The following SCFD2 variants were observed in gnomAD, a reference collection of about 807,000 sequenced individuals.
SCFD2 encodes the protein sec1 family domain-containing protein 2.
Under a neutral mutation model 58.9 loss-of-function variants are expected in SCFD2, and 54 were observed. That is an observed-to-expected ratio of 0.92 (90% CI 0.74 to 1.15). The LOEUF is 1.15. Ranked by LOEUF, SCFD2 falls within the 50% of genes most tolerant of loss-of-function variation. SCFD2 has a pLI of 0.00. For missense variants in SCFD2, 805 were observed against 836.6 expected (o/e 0.96, Z 0.47); for synonymous variants, 321 against 335.9 (o/e 0.96, Z 0.49).
At chr4:53,078,967 TCTAAA>T (rs1446534076) in intron 5 of SCFD2, among the ~76,000 whole-genome samples, 6 of 151,396 alleles carry the variant, frequency 4.0e-5, no homozygotes, top group Non-Finnish European at 4.4e-5. Flanking sequence ...TTTGTAAAAC[TCTAAA>T]CTAAGAGGTT....
chr4:52,966,493 G>T (rs571917330), intron 5 of SCFD2, among the ~76,000 whole-genome samples: 5 of 151,960 alleles, frequency 3.3e-5, no homozygotes, highest in African/African-American at 1.2e-4. Context: ...CTGTTTTCAG[G>T]CTCATAACAA....
intron 2 of SCFD2, among the ~76,000 whole-genome samples, chr4:53,322,465 T>G (rs556605256): frequency 2.0e-5 from 3 of 152,218 alleles, no homozygotes; most frequent in Non-Finnish European, 4.4e-5. Context: ...TAACAACGTA[T>G]TAACTGTTTA....
chr4:52,895,040 TGGA>T (rs765116673), intron 7 of SCFD2, among the ~76,000 whole-genome samples: 9 of 152,328 alleles, frequency 5.9e-5, no homozygotes, highest in Non-Finnish European at 7.3e-5. Flanking sequence ...TCCTCTAGAT[TGGA>T]GGGAAAACTC....
At chr4:53,250,254 T>A (rs1037281499) in intron 4 of SCFD2, among the ~76,000 whole-genome samples, 1 of 152,092 alleles carries the variant, frequency 6.6e-6, no homozygotes, top group Admixed American at 6.6e-5. Flanking sequence ...GAACTAACTA[T>A]CCTAAATATA....
intron 4 of SCFD2, among the ~76,000 whole-genome samples, chr4:53,238,197 C>G (rs1236725138): frequency 2.8e-5 from 4 of 142,452 alleles, no homozygotes; most frequent in African/African-American, 1.0e-4. Flanking sequence ...CCCCACCTCC[C>G]TCCCGGACGG....
intron 4 of SCFD2, among the ~76,000 whole-genome samples, chr4:53,226,963 A>G (rs1310768992): frequency 6.6e-6 from 1 of 152,226 alleles, no homozygotes; most frequent in Non-Finnish European, 1.5e-5. Context: ...TAAAAAAGGT[A>G]TCCCTAATGA....
intron 5 of SCFD2, among the ~76,000 whole-genome samples, chr4:52,969,613 C>T (rs954572035): frequency 3.3e-5 from 5 of 152,112 alleles, no homozygotes; most frequent in Admixed American, 6.6e-5. Flanking sequence ...TCTTAAGAGG[C>T]TGTTTGTAAT....
chr4:53,240,563 C>A (rs1266183901), intron 4 of SCFD2, among the ~76,000 whole-genome samples: 2 of 152,152 alleles, frequency 1.3e-5, no homozygotes, highest in African/African-American at 4.8e-5. Context: ...TACAAATGAC[C>A]AAAGGGGCAA....
At chr4:53,333,988 A>C (rs569743302) in intron 2 of SCFD2, among the ~76,000 whole-genome samples, 1 of 150,982 alleles carries the variant, frequency 6.6e-6, no homozygotes, top group East Asian at 1.9e-4. Flanking sequence ...CAGCCAAAAA[A>C]CACATGAAAA....
At chr4:53,184,203 T>C (rs755736790) in intron 4 of SCFD2, among the ~76,000 whole-genome samples, 6 of 152,144 alleles carry the variant, frequency 3.9e-5, no homozygotes, top group Non-Finnish European at 5.9e-5. Context: ...CCCGTTTAGC[T>C]TGGCACATGG....
chr4:53,263,840 A>G (rs1283693867), intron 4 of SCFD2, among the ~76,000 whole-genome samples: 1 of 152,138 alleles, frequency 6.6e-6, no homozygotes, highest in East Asian at 1.9e-4. Flanking sequence ...CAGGCAGTAG[A>G]CAGGGCCATA....
At chr4:53,072,295 G>C (rs1723838245) in intron 5 of SCFD2, among the ~76,000 whole-genome samples, 2 of 152,146 alleles carry the variant, frequency 1.3e-5, no homozygotes, top group South Asian at 4.1e-4. Flanking sequence ...GAGGATAAAA[G>C]AGTCCTCAGC....
At chr4:52,925,158 A>C (rs1233178505) in intron 5 of SCFD2, among the ~76,000 whole-genome samples, 1 of 152,074 alleles carries the variant, frequency 6.6e-6, no homozygotes, top group Non-Finnish European at 1.5e-5. Context: ...CTCAATCAGT[A>C]CATGGTAAAG....
Position 52,915,491 on chromosome 4 carries a change from T to C in SCFD2, c.1707+5234A>G, listed in dbSNP as rs149787580. On this transcript the variant is annotated intron_variant, in intron 6 of 8. Coordinates refer to ENST00000401642, the MANE Select transcript of SCFD2 (RefSeq NM_152540.4). The stretch of plus-strand genomic sequence containing the variant: ...AATCCATGGCTCATTTATTTTTATT[T>C]TTTGCTATAAGATGACTGTTTTTTC... Among the ~76,000 whole-genome samples, 612 of 152,294 alleles carry C rather than the reference T, an allele frequency of 4.0e-3. 8 individuals carry two copies. The highest frequency in any genetic ancestry group is 0.014 in the African/African-American group (581 of 41,562).
intron 2 of SCFD2, among the ~76,000 whole-genome samples, chr4:53,352,244 G>A (rs1006269845): frequency 4.6e-5 from 7 of 152,152 alleles, no homozygotes; most frequent in South Asian, 2.1e-4. Context: ...GCTTTTTAGT[G>A]ATGTGAAAAA....
At chr4:53,259,402 G>A (rs916465222) in intron 4 of SCFD2, among the ~76,000 whole-genome samples, 2 of 152,188 alleles carry the variant, frequency 1.3e-5, no homozygotes, top group African/African-American at 4.8e-5. Flanking sequence ...TGTATAAGGT[G>A]AGAGATGAGG....
rs1469293552 is a variant in SCFD2 at position 53,207,753 on chromosome 4, C to T, written c.1312-62171G>A. 2.1e-5 allele frequency among the ~76,000 whole-genome samples: 3 copies of T among 145,024 alleles called. 1 individual carries two copies. Among genetic ancestry groups the T allele is most frequent in the South Asian group, 4.5e-4 (2 of 4,488 alleles). On this transcript the variant is annotated intron_variant, in intron 4 of 8. Transcript: ENST00000401642. Reference sequence around the variant, plus strand: ...CAGGAGATTTGGTTGTTTAAAAGTTCGTAGCACCTCCTCCTTCTCTCTTCT... The same window carrying T: ...CAGGAGATTTGGTTGTTTAAAAGTTTGTAGCACCTCCTCCTTCTCTCTTCT...
chr4:53,014,452 A>G (rs2411288), intron 5 of SCFD2, among the ~76,000 whole-genome samples: 145,816 of 152,330 alleles, frequency 0.96, 70,099 homozygotes, highest in Middle Eastern at 1. Flanking sequence ...ATTTATTTGT[A>G]CAGTTATTCT....
chr4:52,967,742 G>T (rs910785128), intron 5 of SCFD2, among the ~76,000 whole-genome samples: 3 of 152,108 alleles, frequency 2.0e-5, no homozygotes, highest in Non-Finnish European at 2.9e-5. Flanking sequence ...TGCTGGTTTG[G>T]GTCTGGTGGT....
Sources: allele counts gnomAD v4.1 joint callset (sites outside exome capture counted in the v4.1 genomes callset), GRCh38; gene constraint gnomAD v4.1.1; transcripts MANE v1.5; gene names NCBI Gene and HGNC (gene_info 2026-07-23, HGNC 2026-07-21).